The following TNRC6A variants were observed in gnomAD, a reference collection of about 807,000 sequenced individuals.
The protein encoded by TNRC6A is trinucleotide repeat-containing gene 6A protein.
Under a neutral mutation model 221.2 loss-of-function variants are expected in TNRC6A, and 44 were observed. The observed-to-expected ratio is 0.20, with a 90% CI of 0.16 to 0.26. TNRC6A has a LOEUF of 0.26. TNRC6A is among the 10% of genes least tolerant of loss of function. TNRC6A has a pLI of 1.00. For synonymous variants in TNRC6A, 847 were observed against 838.5 expected (o/e 1.01, Z -0.18); for missense variants, 2,199 against 2,404.4 (o/e 0.91, Z 1.79).
Position 24,825,940 on chromosome 16 carries a change from C to T in TNRC6A, c.*2133C>T, listed in dbSNP as rs2152130578. 6.5e-6 allele frequency: 1 copy of T among 152,804 alleles called. No homozygotes were observed. The highest frequency in any genetic ancestry group is 1.9e-4 in the East Asian group (1 of 5,186). 9.5% of individuals were successfully genotyped at this position (152,804 alleles called of 1,614,324 possible). ...TTTCAGTGTATGACTTCAGATCATGCTCCAACTTGCCAGGTGTGAGCTAAT... is the reference window on the plus strand; with the variant it reads ...TTTCAGTGTATGACTTCAGATCATGTTCCAACTTGCCAGGTGTGAGCTAAT... On this transcript the variant is annotated 3_prime_UTR_variant, in exon 25 of 25. Transcript: ENST00000395799.
intron 3 of TNRC6A, among the ~76,000 whole-genome samples, chr16:24,757,627 G>A (rs1271796281): frequency 1.3e-5 from 2 of 152,172 alleles, no homozygotes; most frequent in Non-Finnish European, 2.9e-5. Flanking sequence ...TAACCCTGCT[G>A]TCCTCAAGCC....
intron 5 of TNRC6A, among the ~76,000 whole-genome samples, chr16:24,786,178 C>A (rs2057961271): frequency 6.6e-6 from 1 of 152,086 alleles, no homozygotes; most frequent in South Asian, 2.1e-4. Context: ...GAAAAACATG[C>A]TTTGGAGATA....
At chr16:24,740,086 T>C (rs2056860070) in intron 2 of TNRC6A, among the ~76,000 whole-genome samples, 1 of 152,214 alleles carries the variant, frequency 6.6e-6, no homozygotes, top group African/African-American at 2.4e-5. Context: ...CACTTGATCA[T>C]AAAATGAAGA....
In TNRC6A at chr16:24,777,053, CACAGCA is replaced by C. The variant is rs1567457005; in HGVS notation, c.285_290del (p.Gln102_Gln103del). 1 of 1,613,528 alleles carries C rather than the reference CACAGCA, an allele frequency of 6.2e-7. No individual in the cohort carries two copies. Among genetic ancestry groups the C allele is most frequent in the Admixed American group, 1.7e-5 (1 of 59,980 alleles). On this transcript the variant is annotated inframe_deletion, in exon 5 of 25. Transcript: ENST00000395799. Reference sequence around the variant, plus strand: ...CGAGCTACAGCCAACAATCAGCAGCCACAGCAGCAGCAGCAACAGCAGCAGCCGCAG... The same window carrying C: ...CGAGCTACAGCCAACAATCAGCAGCCGCAGCAGCAACAGCAGCAGCCGCAG...
intron 1 of TNRC6A, among the ~76,000 whole-genome samples, chr16:24,623,241 C>A (rs1567305123): frequency 6.6e-6 from 1 of 151,762 alleles, no homozygotes; most frequent in Non-Finnish European, 1.5e-5. Flanking sequence ...TTCTGTCGCC[C>A]AGGCTGGAGT....
At chr16:24,804,002 C>T (rs574297899) in intron 11 of TNRC6A, 175 bp from the exon 12 acceptor site, 81 of 583,792 alleles carry the variant, frequency 1.4e-4, no homozygotes, top group African/African-American at 1.3e-3. Context: ...CTCCTAATTG[C>T]GACTTCATTT....
chr16:24,761,581 C>G (rs2057364704), intron 4 of TNRC6A, among the ~76,000 whole-genome samples: 1 of 151,542 alleles, frequency 6.6e-6, no homozygotes, highest in Non-Finnish European at 1.5e-5. Flanking sequence ...TTTAAGGAGA[C>G]AGGGTCTCGC....
intron 4 of TNRC6A, among the ~76,000 whole-genome samples, chr16:24,770,326 A>G (rs2057564484): frequency 6.6e-6 from 1 of 152,174 alleles, no homozygotes. Flanking sequence ...AAGTGGTTTT[A>G]TGATACAGAT....
At chr16:24,748,175 A>G (rs1359271836) in intron 2 of TNRC6A, among the ~76,000 whole-genome samples, 1 of 152,194 alleles carries the variant, frequency 6.6e-6, no homozygotes, top group Non-Finnish European at 1.5e-5. Context: ...TAAGACATTG[A>G]CATGTATGGT....
At chr16:24,822,377 A>G (rs2058783080) in intron 23 of TNRC6A, among the ~76,000 whole-genome samples, 1 of 152,130 alleles carries the variant, frequency 6.6e-6, no homozygotes, top group Admixed American at 6.5e-5. Flanking sequence ...TCACCCAGAG[A>G]TTGAGTCAGT....
At chr16:24,664,224 C>T (rs1264209685) in intron 2 of TNRC6A, among the ~76,000 whole-genome samples, 8 of 151,792 alleles carry the variant, frequency 5.3e-5, no homozygotes, top group East Asian at 1.9e-4. Flanking sequence ...CCCAGCTATT[C>T]GGGAGGCTGA....
intron 4 of TNRC6A, among the ~76,000 whole-genome samples, chr16:24,766,767 C>G (rs2057482775): frequency 6.6e-6 from 1 of 151,156 alleles, no homozygotes; most frequent in African/African-American, 2.4e-5. Flanking sequence ...ACCTCCACCT[C>G]CCAGGTTCAA....
intron 22 of TNRC6A, 55 bp downstream of exon 22, chr16:24,820,415 G>A (rs975673506): frequency 2.0e-6 from 3 of 1,507,258 alleles, no homozygotes; most frequent in African/African-American, 1.4e-5. Flanking sequence ...ACGCTAACCA[G>A]TACTAACAGT....
upstream of TNRC6A, among the ~76,000 whole-genome samples, chr16:24,729,472 A>C (rs181927654): frequency 1.8e-3 from 276 of 151,796 alleles, 8 homozygotes; most frequent in East Asian, 0.042. Flanking sequence ...AGGCCCCCCC[A>C]GCCACTCCGC....
In TNRC6A at chr16:24,793,406, T is replaced by C. The variant is rs1377718264; in HGVS notation, c.3176-67T>C. The C allele has an allele frequency of 1.5e-5, 19 of 1,240,982 alleles. No homozygotes were observed. The Admixed American group carries it at 5.5e-4, about 36-fold the overall frequency. 76.9% of individuals were successfully genotyped at this position (1,240,982 alleles called of 1,614,324 possible). A position where few individuals can be genotyped will look rare whatever the true frequency, so the allele number is the denominator to read the frequency against. On this transcript the variant is annotated intron_variant, in intron 6 of 24. Transcript: ENST00000395799. ...TCCTTGGTCCCTAAGTTTTCTTTAT[T>C]GTCCCTTATTCCACTGCACCTCCTT...
chr16:24,696,625 A>G (rs1176424082), intron 2 of TNRC6A, among the ~76,000 whole-genome samples: 3 of 148,050 alleles, frequency 2.0e-5, no homozygotes, highest in Non-Finnish European at 4.4e-5. Context: ...GCTACTCAGA[A>G]GGCTGAGGTG....
intron 2 of TNRC6A, among the ~76,000 whole-genome samples, chr16:24,692,187 T>C (rs2142137702): frequency 6.6e-6 from 1 of 152,288 alleles, no homozygotes; most frequent in Admixed American, 6.5e-5. Context: ...AGTTGAGTCG[T>C]GGCTCTAAGC....
chr16:24,794,509 G>A (rs753409125), intron 7 of TNRC6A, 35 bp from the exon 8 acceptor site: 2 of 1,583,228 alleles, frequency 1.3e-6, no homozygotes, highest in South Asian at 2.3e-5. Flanking sequence ...TTTTATTAAA[G>A]TATGTTTCTC....
At chr16:24,702,182 CTT>C (rs371770211) in intron 2 of TNRC6A, among the ~76,000 whole-genome samples, 1 of 119,380 alleles carries the variant, frequency 8.4e-6, no homozygotes, top group Non-Finnish European at 1.7e-5. Flanking sequence ...TTTCTTTTTT[CTT>C]TTTTTTTTTT....
Sources: allele counts gnomAD v4.1 joint callset (sites outside exome capture counted in the v4.1 genomes callset), GRCh38; gene constraint gnomAD v4.1.1; transcripts MANE v1.5; gene names NCBI Gene and HGNC (gene_info 2026-07-23, HGNC 2026-07-21).